Variants in NDUFAF5 observed in about 807,000 individuals in gnomAD.
NDUFAF5 encodes the protein NADH:ubiquinone oxidoreductase complex assembly factor 5, also known as arginine-hydroxylase NDUFAF5, mitochondrial.
Under a neutral mutation model 48.9 loss-of-function variants are expected in NDUFAF5, and 34 were observed. The observed-to-expected ratio is 0.70, with a 90% CI of 0.53 to 0.93. The LOEUF is 0.93. NDUFAF5 is among the 40% of genes least tolerant of loss of function. NDUFAF5 has a pLI of 0.00. For synonymous variants in NDUFAF5, 153 were observed against 150.6 expected, an observed-to-expected ratio of 1.02 and a Z score of -0.12; for missense variants, 428 against 427.5, an observed-to-expected ratio of 1.00 and a Z score of -0.01.
At chr20:13,816,588 T>A (rs1214741247) in intron 9 of NDUFAF5, 42 bp downstream of exon 9, 1 of 1,494,112 alleles carries the variant, frequency 6.7e-7, no homozygotes. Context: ...CCAAGGCACT[T>A]GTGCTGTATC....
At chr20:13,814,613 A>T in intron 8 of NDUFAF5, 1 of 576,960 alleles carries the variant, frequency 1.7e-6, no homozygotes, top group South Asian at 1.6e-5. Flanking sequence ...CTTCACCTTA[A>T]AAACACTGTG....
At chr20:13,810,723 G>A (rs951184343) in intron 8 of NDUFAF5, among the ~76,000 whole-genome samples, 1 of 152,070 alleles carries the variant, frequency 6.6e-6, no homozygotes, top group Non-Finnish European at 1.5e-5. Context: ...GATGATGACA[G>A]GTGTCTGAGA....
rs531110201 is a variant in NDUFAF5, at chr20:13,814,508, G to A, written c.779-1955G>A. On this transcript the variant is annotated intron_variant, in intron 8 of 10. Transcript: ENST00000378106. ...AGAAATTTTCAAGGCTTTCACAGTG[G>A]TCTTAAGGTAAGTTCAGTTATTTTT... 2.0e-5 allele frequency: 25 copies of A among 1,280,476 alleles called. No homozygotes were observed. In the African/African-American group the frequency reaches 3.7e-4, roughly 19 times the overall value. The allele number at this position is 1,280,476 out of a possible 1,614,324, so 79.3% of individuals were successfully genotyped here. A position where few individuals can be genotyped will look rare whatever the true frequency, so the allele number is the denominator to read the frequency against.
chr20:13,798,491 A>G lies in NDUFAF5; in HGVS notation c.510A>G (p.Ala170=). ...ATTGGGTGAATGACCTTCCTAGAGC[A>G]CTTGAGCAGGTAAGAAAACTTATGT... ...SLHWVNDLPR[A]LEQIHYILKP... is the part of the protein sequence containing the mutation. Residue 170 remains alanine (A), a synonymous_variant, in exon 6 of 11, where the codon GCA becomes GCG. Transcript: ENST00000378106. 6.8e-6 allele frequency: 11 copies of G among 1,610,604 alleles called. No individual in the cohort carries two copies. Among genetic ancestry groups the G allele is most frequent in the Non-Finnish European group, 9.3e-6 (11 of 1,176,930 alleles).
chr20:13,805,246 C>T (rs1190658161), intron 7 of NDUFAF5, among the ~76,000 whole-genome samples: 5 of 152,214 alleles, frequency 3.3e-5, no homozygotes, highest in South Asian at 4.1e-4. Flanking sequence ...AGCAATATTA[C>T]AGGACTCAAA....
intron 6 of NDUFAF5, among the ~76,000 whole-genome samples, chr20:13,800,408 G>A (rs111274856): frequency 2.6e-5 from 4 of 152,190 alleles, no homozygotes; most frequent in Non-Finnish European, 5.9e-5. Context: ...AGAGCCTACT[G>A]TGATTTGGAT....
Position 13,801,173 on chromosome 20 carries a change from A to AT in NDUFAF5, c.520-304dup, listed in dbSNP as rs760407786. Among the ~76,000 whole-genome samples, 273 of 151,652 alleles carry AT rather than the reference A, an allele frequency of 1.8e-3. 1 individual carries two copies. The highest frequency in any genetic ancestry group is 2.7e-3 in the Non-Finnish European group (183 of 67,882). On this transcript the variant is annotated intron_variant, in intron 6 of 10. Coordinates refer to ENST00000378106, the MANE Select transcript of NDUFAF5 (RefSeq NM_024120.5). ...GATTTTTGCAGCCTACCCCAATTAA[A>AT]TTTTTTTTTCTCTTTCAGCATTTTT...
intron 6 of NDUFAF5, among the ~76,000 whole-genome samples, chr20:13,801,164 C>G (rs1171527711): frequency 6.6e-6 from 1 of 152,000 alleles, no homozygotes; most frequent in Admixed American, 6.6e-5. Flanking sequence ...TGCAGCCTAC[C>G]CCAATTAAAT....
At chr20:13,785,891 A>C (rs1485387925) in intron 1 of NDUFAF5, among the ~76,000 whole-genome samples, 1 of 152,110 alleles carries the variant, frequency 6.6e-6, no homozygotes, top group East Asian at 1.9e-4. Flanking sequence ...TCTCGTTTTT[A>C]CTTTTTTTCT....
intron 7 of NDUFAF5, among the ~76,000 whole-genome samples, chr20:13,804,100 A>G (rs1339219823): frequency 1.3e-5 from 2 of 152,174 alleles, no homozygotes; most frequent in African/African-American, 4.8e-5. Flanking sequence ...TTTCTAAAAC[A>G]AAAATAATTG....
chr20:13,801,655 G>A lies in NDUFAF5; in HGVS notation c.689G>A (p.Gly230Glu). 6.2e-7 allele frequency: 1 copy of A among 1,613,872 alleles called. No individual in the cohort carries two copies. The highest frequency in any genetic ancestry group is 8.5e-7 in the Non-Finnish European group (1 of 1,179,966). ...TAVNDLGHLL[G>E]RAGFNTLTVD... ...GTCAATGACCTGGGACATCTGCTTG[G>A]GAGAGCTGGCTTTAATACTCTGACT... The change falls in exon 7 of 11, where the codon GGG becomes GAG. Residue 230 changes from glycine (G) to glutamate (E), a missense_variant. Gly to Glu is a moderately conservative substitution (Grantham distance 98, BLOSUM62 -2). Transcript: ENST00000378106.
At position 13,820,612 on chromosome 20, in the gene NDUFAF5, C is replaced by G. The variant is rs749490197; in HGVS notation, c.*3402C>G. The G allele has an allele frequency of 6.6e-6, 1 of 151,754 alleles. No homozygotes were observed. The allele number at this position is 151,754 out of a possible 1,614,324, so 9.4% of individuals were successfully genotyped here. On this transcript the variant is annotated 3_prime_UTR_variant, in exon 11 of 11. Coordinates refer to ENST00000378106, the MANE Select transcript of NDUFAF5 (RefSeq NM_024120.5). Reference sequence around the variant, plus strand: ...AGAAGGCTGAGGTGGGAGTATTGATCGAGCCCAGGAGGTCAAGGCTGCAGC... The same window carrying G: ...AGAAGGCTGAGGTGGGAGTATTGATGGAGCCCAGGAGGTCAAGGCTGCAGC...
At chr20:13,786,372 CTGA>C (rs939804629) in intron 1 of NDUFAF5, among the ~76,000 whole-genome samples, 18 of 152,194 alleles carry the variant, frequency 1.2e-4, no homozygotes, top group African/African-American at 4.3e-4. Flanking sequence ...TACTACACTG[CTGA>C]TGTCGTGTAC....
intron 3 of NDUFAF5, among the ~76,000 whole-genome samples, chr20:13,791,479 A>G (rs1568749642): frequency 6.6e-6 from 1 of 152,338 alleles, no homozygotes; most frequent in East Asian, 1.9e-4. Flanking sequence ...AGAAATAGGT[A>G]AACTCTCTGA....
intron 3 of NDUFAF5, among the ~76,000 whole-genome samples, chr20:13,792,654 A>T (rs551646558): frequency 4.6e-5 from 7 of 152,266 alleles, no homozygotes; most frequent in African/African-American, 7.2e-5. Context: ...AGAGATGGAG[A>T]TGGAGAGAGC....
intron 9 of NDUFAF5, 112 bp from the exon 10 acceptor site, chr20:13,816,763 A>C (rs1986512480): frequency 1.3e-6 from 1 of 799,152 alleles, no homozygotes. Flanking sequence ...ATGTTCTCAG[A>C]ATCTTACAAG....
chr20:13,813,472 GT>G (rs1986112446), intron 8 of NDUFAF5, among the ~76,000 whole-genome samples: 1 of 152,116 alleles, frequency 6.6e-6, no homozygotes, highest in Non-Finnish European at 1.5e-5. Flanking sequence ...TTCACTTAGC[GT>G]TTATTGAGCA....
At chr20:13,803,394 A>G (rs145884977) in intron 7 of NDUFAF5, 34 of 152,394 alleles carry the variant, frequency 2.2e-4, no homozygotes, top group Middle Eastern at 3.4e-3. Context: ...TGTAATGAAA[A>G]TAAACACTAT....
At chr20:13,808,323 C>A (rs1306992574) in intron 7 of NDUFAF5, among the ~76,000 whole-genome samples, 1 of 152,142 alleles carries the variant, frequency 6.6e-6, no homozygotes, top group Non-Finnish European at 1.5e-5. Flanking sequence ...AAGAGGAAGT[C>A]ATTACCCAAT....
Sources: allele counts gnomAD v4.1 joint callset (sites outside exome capture counted in the v4.1 genomes callset), GRCh38; gene constraint gnomAD v4.1.1; transcripts MANE v1.5; gene names NCBI Gene and HGNC (gene_info 2026-07-23, HGNC 2026-07-21).